Variants in NR1H4 observed in about 807,000 individuals in gnomAD.
The protein encoded by NR1H4 is bile acid receptor.
In NR1H4, 23 loss-of-function variants were observed where a neutral mutation model predicts 58.5. That is an observed-to-expected ratio of 0.39 (90% CI 0.28 to 0.56). The LOEUF (loss-of-function observed/expected upper bound fraction) is 0.56, where lower values mean the gene tolerates loss of function less well. Ranked by LOEUF, NR1H4 falls within the 20% of genes least tolerant of loss-of-function variation. The probability of loss-of-function intolerance (pLI) is 0.58; values close to 1 mark genes in which losing one functional copy is unlikely to be tolerated. For synonymous variants in NR1H4, 214 were observed against 198.0 expected (o/e 1.08, Z -0.68); for missense variants, 487 against 576.9 (o/e 0.84, Z 1.60).
intron 3 of NR1H4, among the ~76,000 whole-genome samples, chr12:100,495,330 G>A (rs907871635): frequency 6.6e-6 from 1 of 152,174 alleles, no homozygotes; most frequent in Non-Finnish European, 1.5e-5. Context: ...ATCTGACCAT[G>A]TGTGACCATT....
intron 3 of NR1H4, among the ~76,000 whole-genome samples, chr12:100,498,242 G>T (rs538106197): frequency 6.6e-6 from 1 of 152,294 alleles, no homozygotes; most frequent in African/African-American, 2.4e-5. Flanking sequence ...ATTTTAAATT[G>T]TTGAAATGAT....
At chr12:100,556,359 C>T (rs1005077152) in intron 9 of NR1H4, among the ~76,000 whole-genome samples, 3 of 150,994 alleles carry the variant, frequency 2.0e-5, no homozygotes, top group African/African-American at 2.4e-5. Flanking sequence ...CCCAGCTACT[C>T]GGGAGACTGA....
chr12:100,556,467 C>CAAAAAAAAA (rs781520049), intron 9 of NR1H4, among the ~76,000 whole-genome samples: 4 of 87,498 alleles, frequency 4.6e-5, no homozygotes, highest in Admixed American at 1.1e-4. Flanking sequence ...AACTCCGTCT[C>CAAAAAAAAA]AAAGAAAAAA....
At chr12:100,542,120 T>C (rs948996520) in intron 9 of NR1H4, among the ~76,000 whole-genome samples, 1 of 151,018 alleles carries the variant, frequency 6.6e-6, no homozygotes, top group Non-Finnish European at 1.5e-5. Flanking sequence ...CAGAGGGGGG[T>C]GGATCACTTG....
At chr12:100,529,285 C>T (rs570074276) in intron 4 of NR1H4, among the ~76,000 whole-genome samples, 56 of 152,256 alleles carry the variant, frequency 3.7e-4, no homozygotes, top group South Asian at 6.2e-4. Context: ...TTCCTCCTTT[C>T]TCTTCTGTCC....
chr12:100,497,495 T>A (rs1953741841), intron 3 of NR1H4, among the ~76,000 whole-genome samples: 1 of 151,680 alleles, frequency 6.6e-6, no homozygotes, highest in Non-Finnish European at 1.5e-5. Context: ...GAGATGGGGG[T>A]TGGAATCACC....
chr12:100,526,142 T>A (rs1443818253), intron 4 of NR1H4, among the ~76,000 whole-genome samples: 1 of 151,980 alleles, frequency 6.6e-6, no homozygotes, highest in East Asian at 1.9e-4. Context: ...CTGGTTTTTC[T>A]CTATCATTTT....
At chr12:100,543,054 C>G (rs1593117869) in intron 9 of NR1H4, among the ~76,000 whole-genome samples, 1 of 151,964 alleles carries the variant, frequency 6.6e-6, no homozygotes, top group East Asian at 1.9e-4. Context: ...GTTGAGAGAG[C>G]TCCGAAAAAG....
chr12:100,482,112 A>G (rs1046412074), intron 1 of NR1H4, among the ~76,000 whole-genome samples: 1 of 152,052 alleles, frequency 6.6e-6, no homozygotes, highest in Non-Finnish European at 1.5e-5. Flanking sequence ...AAAACAAACA[A>G]ACAAACAACA....
chr12:100,529,203 G>A (rs1397311467), intron 4 of NR1H4, among the ~76,000 whole-genome samples: 1 of 152,098 alleles, frequency 6.6e-6, no homozygotes, highest in Non-Finnish European at 1.5e-5. Flanking sequence ...TCTTAACCTT[G>A]ACATCTCTAA....
chr12:100,502,112 A>C (rs1264634144), intron 3 of NR1H4, among the ~76,000 whole-genome samples: 2 of 152,238 alleles, frequency 1.3e-5, no homozygotes, highest in East Asian at 3.8e-4. Flanking sequence ...CATTTTATAA[A>C]TACTATTTTA....
At chr12:100,539,952 G>C (rs1954898797) in intron 8 of NR1H4, among the ~76,000 whole-genome samples, 1 of 152,128 alleles carries the variant, frequency 6.6e-6, no homozygotes, top group Non-Finnish European at 1.5e-5. Context: ...TAATCTCTGA[G>C]GCAAAAAGAG....
chr12:100,483,203 G>A (rs994943854), intron 1 of NR1H4, among the ~76,000 whole-genome samples: 19 of 152,102 alleles, frequency 1.2e-4, no homozygotes, highest in Non-Finnish European at 2.2e-4. Flanking sequence ...TGGGATTACA[G>A]GCATGAGCCA....
chr12:100,505,698 A>G, intron 3 of NR1H4: 1 of 648,530 alleles, frequency 1.5e-6, no homozygotes, highest in South Asian at 1.7e-5. Flanking sequence ...CTAATTCCAA[A>G]ATAAAGATTC....
intron 4 of NR1H4, among the ~76,000 whole-genome samples, chr12:100,522,107 A>C (rs1954436509): frequency 6.6e-6 from 1 of 151,936 alleles, no homozygotes. Flanking sequence ...GATAAAGATG[A>C]GGAGATGATG....
At chr12:100,519,131 G>A (rs1954346149) in intron 4 of NR1H4, among the ~76,000 whole-genome samples, 1 of 152,108 alleles carries the variant, frequency 6.6e-6, no homozygotes, top group African/African-American at 2.4e-5. Context: ...TTAACTGGAA[G>A]CTGTGTAGTG....
Position 100,474,031 on chromosome 12 carries a change from A to G in NR1H4, c.-218A>G, listed in dbSNP as rs913030951. The G allele has an allele frequency of 5.3e-5, 8 of 152,176 alleles. No individual in the cohort carries two copies. In the East Asian group the frequency reaches 1.3e-3, roughly 26 times the overall value. 9.4% of individuals were successfully genotyped at this position (152,176 alleles called of 1,614,324 possible). A position where few individuals can be genotyped will look rare whatever the true frequency, so the allele number is the denominator to read the frequency against. ...GTCCAGAATCCTCCCAGGGCCTTGAAAGTCCATCTCTGACCCAAAACAATC... is the reference window on the plus strand; with the variant it reads ...GTCCAGAATCCTCCCAGGGCCTTGAGAGTCCATCTCTGACCCAAAACAATC... On this transcript the variant is annotated 5_prime_UTR_variant, in exon 1 of 11. Coordinates refer to ENST00000392986, the MANE Select transcript of NR1H4 (RefSeq NM_001206979.2).
chr12:100,507,865 C>G (rs1364122252), intron 3 of NR1H4, among the ~76,000 whole-genome samples: 8 of 152,084 alleles, frequency 5.3e-5, no homozygotes, highest in Admixed American at 5.2e-4. Context: ...TGGGTTAATG[C>G]AGAAAGCATT....
chr12:100,552,563 C>T (rs1180032058), intron 9 of NR1H4, among the ~76,000 whole-genome samples: 1 of 152,174 alleles, frequency 6.6e-6, no homozygotes, highest in East Asian at 1.9e-4. Flanking sequence ...CCTGATTTAA[C>T]ATGCATTTAT....
Sources: gnomAD v4.1 joint callset for allele counts (sites outside exome capture counted in the v4.1 genomes callset) on GRCh38, gnomAD v4.1.1 for gene constraint, MANE v1.5 for transcripts, NCBI Gene and HGNC (gene_info 2026-07-23, HGNC 2026-07-21) for gene names.